CHN1: variants seen among roughly 807,000 people sequenced by gnomAD.
CHN1 encodes chimerin 1.
A neutral mutation model predicts 59.5 loss-of-function variants in CHN1; 37 were observed. The observed-to-expected ratio is 0.62, with a 90% CI of 0.48 to 0.82. The LOEUF is 0.82. Among genes scored for constraint, CHN1 ranks in the 40% least tolerant of loss-of-function variants. The probability of loss-of-function intolerance (pLI) is 0.00; values close to 1 mark genes in which losing one functional copy is unlikely to be tolerated. For synonymous variants in CHN1, 206 were observed against 200.4 expected (o/e 1.03, Z -0.24); for missense variants, 469 against 571.0 (o/e 0.82, Z 1.82).
chr2:174,815,955 C>T (rs1685240490), intron 8 of CHN1, among the ~76,000 whole-genome samples: 1 of 152,078 alleles, frequency 6.6e-6, no homozygotes. Context: ...ATTGTGCCTG[C>T]CCCACTTGTA....
chr2:174,958,944 A>G (rs1043698928), intron 1 of CHN1, among the ~76,000 whole-genome samples: 1 of 152,208 alleles, frequency 6.6e-6, no homozygotes, highest in Non-Finnish European at 1.5e-5. Context: ...GCTCTGTTAT[A>G]AAAGACATTA....
At position 174,976,615 on chromosome 2, in the gene CHN1, T is replaced by A. The variant is rs574498643; in HGVS notation, c.20-24413A>T. Reference sequence around the variant, plus strand: ...CTTCAAAAGTATCTTCATTAAATTCTAGTTTATCATTACTTCTGGTTTTTC... The same window carrying A: ...CTTCAAAAGTATCTTCATTAAATTCAAGTTTATCATTACTTCTGGTTTTTC... On this transcript the variant is annotated intron_variant, in intron 1 of 12. Coordinates refer to ENST00000409900, the MANE Select transcript of CHN1 (RefSeq NM_001822.7). Among the ~76,000 whole-genome samples the A allele has an allele frequency of 5.3e-5, 8 of 152,368 alleles. No homozygotes were observed. The South Asian group carries it at 1.7e-3, about 32-fold the overall frequency.
intron 1 of CHN1, among the ~76,000 whole-genome samples, chr2:174,952,517 T>A (rs1455986874): frequency 6.6e-6 from 1 of 152,224 alleles, no homozygotes. Flanking sequence ...TTTGTTTCTT[T>A]GGGCTTAATG....
chr2:174,873,169 T>G (rs1687462806), intron 6 of CHN1, among the ~76,000 whole-genome samples: 1 of 152,192 alleles, frequency 6.6e-6, no homozygotes, highest in Admixed American at 6.5e-5. Flanking sequence ...TGGGCATAAC[T>G]GGCAATCTCT....
intron 7 of CHN1, among the ~76,000 whole-genome samples, chr2:174,843,836 G>A (rs1190831465): frequency 6.6e-6 from 1 of 152,128 alleles, no homozygotes; most frequent in Non-Finnish European, 1.5e-5. Context: ...CATATAATAA[G>A]CAAGCTCCTG....
chr2:174,912,795 A>C (rs1688739634), intron 5 of CHN1, among the ~76,000 whole-genome samples: 1 of 152,224 alleles, frequency 6.6e-6, no homozygotes, highest in Admixed American at 6.5e-5. Flanking sequence ...TAAATTACTC[A>C]ATGTATATTG....
chr2:174,957,451 G>GGT (rs916092864), intron 1 of CHN1, among the ~76,000 whole-genome samples: 1 of 141,910 alleles, frequency 7.0e-6, no homozygotes, highest in Non-Finnish European at 1.5e-5. Flanking sequence ...TGTGTTGGGG[G>GGT]GGGGGGCAGT....
At chr2:174,838,379 C>T (rs1257716990) in intron 7 of CHN1, among the ~76,000 whole-genome samples, 2 of 152,158 alleles carry the variant, frequency 1.3e-5, no homozygotes, top group Non-Finnish European at 1.5e-5. Context: ...AGGAATGAGC[C>T]ACTGCGCCCA....
At chr2:174,976,585 C>T (rs1448671180) in intron 1 of CHN1, among the ~76,000 whole-genome samples, 1 of 152,118 alleles carries the variant, frequency 6.6e-6, no homozygotes, top group African/African-American at 2.4e-5. Flanking sequence ...AATCAAGATT[C>T]CAGACTTCAA....
chr2:174,799,601 G>GAGAAACC lies in CHN1; in HGVS notation c.*508_*514dup, dbSNP rs1213779760. 3.8e-6 allele frequency: 2 copies of GAGAAACC among 528,194 alleles called. No individual in the cohort carries two copies. Among genetic ancestry groups the GAGAAACC allele is most frequent in the Non-Finnish European group, 7.3e-6 (2 of 272,616 alleles). The allele number at this position is 528,194 out of a possible 1,614,324, so 32.7% of individuals were successfully genotyped here. ...AAGTACTATGTTAGAGAAGAACTAAGAGAAACCAGAAATCATTTGTAAAAT... is the reference window on the plus strand; with the variant it reads ...AAGTACTATGTTAGAGAAGAACTAAGAGAAACCAGAAACCAGAAATCATTTGTAAAAT... On this transcript the variant is annotated 3_prime_UTR_variant, in exon 13 of 13. Transcript: ENST00000409900.
At chr2:174,946,658 A>G (rs955473152) in intron 2 of CHN1, among the ~76,000 whole-genome samples, 15 of 152,132 alleles carry the variant, frequency 9.9e-5, no homozygotes, top group Non-Finnish European at 2.2e-4. Context: ...AAAAAGCACT[A>G]AAGTCAAATT....
chr2:174,975,922 T>A (rs1283482490), intron 1 of CHN1, among the ~76,000 whole-genome samples: 1 of 150,880 alleles, frequency 6.6e-6, no homozygotes, highest in South Asian at 2.1e-4. Flanking sequence ...GAGATCGAGA[T>A]CATCCTGGCT....
In CHN1 at chr2:174,799,690, G is replaced by A. The variant is rs755474438; in HGVS notation, c.*426C>T. ...GAGGTGCTGTTTTATCCATTTGTGTGTGCGTGTTTGTACAAGCATCAGAAA... is the reference window on the plus strand; with the variant it reads ...GAGGTGCTGTTTTATCCATTTGTGTATGCGTGTTTGTACAAGCATCAGAAA... On this transcript the variant is annotated 3_prime_UTR_variant, in exon 13 of 13. Coordinates refer to ENST00000409900, the MANE Select transcript of CHN1 (RefSeq NM_001822.7). 5.2e-5 allele frequency: 28 copies of A among 533,960 alleles called. No individual in the cohort carries two copies. The highest frequency in any genetic ancestry group is 8.3e-5 in the Non-Finnish European group (23 of 276,300). 33.1% of individuals were successfully genotyped at this position (533,960 alleles called of 1,614,324 possible).
intron 3 of CHN1, among the ~76,000 whole-genome samples, chr2:174,931,294 G>A (rs1271572916): frequency 6.6e-6 from 1 of 152,132 alleles, no homozygotes; most frequent in Non-Finnish European, 1.5e-5. Flanking sequence ...AGATATATGA[G>A]CATGTGAATC....
chr2:174,920,916 TG>T (rs1558982336), intron 3 of CHN1: 6 of 424,220 alleles, frequency 1.4e-5, no homozygotes, highest in East Asian at 7.0e-5. Flanking sequence ...CGGCCCCATC[TG>T]GGGGTGATGG....
intron 5 of CHN1, among the ~76,000 whole-genome samples, chr2:174,885,220 A>G (rs960660524): frequency 1.1e-4 from 16 of 151,562 alleles, no homozygotes; most frequent in African/African-American, 3.9e-4. Context: ...GGTTGCAGTG[A>G]GTCAAGATCA....
chr2:174,847,980 T>C (rs72918984), intron 6 of CHN1, among the ~76,000 whole-genome samples: 1,560 of 152,218 alleles, frequency 0.01, 19 homozygotes, highest in Non-Finnish European at 0.012. Context: ...CATTATGGAC[T>C]GAGGTTAGCT....
At position 174,800,280 on chromosome 2, in the gene CHN1, G is replaced by A. The variant is rs375782530; in HGVS notation, c.1216C>T (p.Leu406Phe). 1.4e-6 allele frequency: 2 copies of A among 1,430,270 alleles called. No homozygotes were observed. The highest frequency in any genetic ancestry group is 2.4e-5 in the East Asian group (1 of 41,774). The allele number at this position is 1,430,270 out of a possible 1,614,324, so 88.6% of individuals were successfully genotyped here. A position where few individuals can be genotyped will look rare whatever the true frequency, so the allele number is the denominator to read the frequency against. Residue 406 changes from leucine to phenylalanine, a missense_variant, in exon 13 of 13, where the codon CTC becomes TTC. Physicochemically the swap from Leu to Phe is conservative, Grantham distance 22. Coordinates refer to ENST00000409900, the MANE Select transcript of CHN1 (RefSeq NM_001822.7). ...TTCATAAGATTCTCCTTTTCGTGGAGGGTCACTCTGAAAAATGCAAGTACA... is the reference window on the plus strand; with the variant it reads ...TTCATAAGATTCTCCTTTTCGTGGAAGGTCACTCTGAAAAATGCAAGTACA... The part of the protein sequence containing the change: ...YLMAHLKRVT[L>F]HEKENLMNAE...
intron 7 of CHN1, among the ~76,000 whole-genome samples, chr2:174,835,349 T>C (rs1686038335): frequency 1.3e-5 from 2 of 152,242 alleles, no homozygotes; most frequent in African/African-American, 4.8e-5. Context: ...CAATTTATGA[T>C]ATGCCTTGAT....
Sources: allele counts gnomAD v4.1 joint callset (sites outside exome capture counted in the v4.1 genomes callset), GRCh38; gene constraint gnomAD v4.1.1; transcripts MANE v1.5; gene names NCBI Gene and HGNC (gene_info 2026-07-23, HGNC 2026-07-21).